SEMA6D: variants seen among roughly 807,000 people sequenced by gnomAD.
SEMA6D encodes the protein semaphorin-6D.
A neutral mutation model predicts 106.6 loss-of-function variants in SEMA6D; 35 were observed. The ratio of observed to expected loss-of-function variants is 0.33; its 90% confidence interval spans 0.25 to 0.44. SEMA6D has a LOEUF of 0.44. Among genes scored for constraint, SEMA6D ranks in the 20% least tolerant of loss-of-function variants. The pLI is 1.00. For synonymous variants in SEMA6D, 499 were observed against 487.7 expected (o/e 1.02, Z -0.31); for missense variants, 1,185 against 1,345.9 (o/e 0.88, Z 1.87).
chr15:47,762,607 T>C (rs1377309395), intron 8 of SEMA6D, among the ~76,000 whole-genome samples: 2 of 152,196 alleles, frequency 1.3e-5, no homozygotes, highest in Admixed American at 1.3e-4. Flanking sequence ...ATGCACATAA[T>C]ACTACTTGCC....
chr15:47,324,778 A>T (rs1270964374), intron 1 of SEMA6D, among the ~76,000 whole-genome samples: 1 of 151,738 alleles, frequency 6.6e-6, no homozygotes, highest in Admixed American at 6.6e-5. Flanking sequence ...GTACGCTATT[A>T]TACATGTGTA....
intron 4 of SEMA6D, among the ~76,000 whole-genome samples, chr15:47,646,400 C>T (rs187071471): frequency 5.9e-5 from 9 of 152,144 alleles, no homozygotes; most frequent in South Asian, 2.1e-4. Flanking sequence ...GACATGAGAA[C>T]GGACTGAACG....
At chr15:47,765,480 T>A (rs1597076154) in intron 13 of SEMA6D, 1 of 830,084 alleles carries the variant, frequency 1.2e-6, no homozygotes, top group Non-Finnish European at 1.5e-6. Flanking sequence ...TTTAGACCAT[T>A]AAAAAAAAAA....
At chr15:47,572,436 C>G (rs2076078896) in intron 3 of SEMA6D, among the ~76,000 whole-genome samples, 1 of 152,078 alleles carries the variant, frequency 6.6e-6, no homozygotes, top group African/African-American at 2.4e-5. Context: ...TGTTTTGAAA[C>G]AAAGTGTTTT....
intron 3 of SEMA6D, among the ~76,000 whole-genome samples, chr15:47,497,780 T>TTGTAA (rs2043718004): frequency 6.6e-6 from 1 of 152,118 alleles, no homozygotes; most frequent in Non-Finnish European, 1.5e-5. Context: ...TGTAGTACCA[T>TTGTAA]ACTATCATTC....
intron 2 of SEMA6D, among the ~76,000 whole-genome samples, chr15:47,468,469 G>A (rs2042729067): frequency 6.6e-6 from 1 of 152,150 alleles, no homozygotes; most frequent in African/African-American, 2.4e-5. Context: ...TCGGCTCTGA[G>A]AAAGGACACA....
intron 2 of SEMA6D, among the ~76,000 whole-genome samples, chr15:47,427,681 T>C (rs1477348037): frequency 1.3e-5 from 2 of 152,152 alleles, no homozygotes; most frequent in African/African-American, 4.8e-5. Flanking sequence ...TGTTATCTTC[T>C]CTAACTCACA....
At chr15:47,738,553 G>A (rs1422628971) in intron 1 of SEMA6D, among the ~76,000 whole-genome samples, 1 of 152,178 alleles carries the variant, frequency 6.6e-6, no homozygotes. Flanking sequence ...CTAGGGAATT[G>A]TCATAACATC....
intron 3 of SEMA6D, among the ~76,000 whole-genome samples, chr15:47,524,548 A>T (rs971239769): frequency 5.3e-5 from 8 of 152,250 alleles, no homozygotes; most frequent in Non-Finnish European, 1.2e-4. Context: ...GATAAATCAT[A>T]GACAAATAGA....
At chr15:47,569,682 T>A (rs2046326003) in intron 3 of SEMA6D, among the ~76,000 whole-genome samples, 1 of 152,132 alleles carries the variant, frequency 6.6e-6, no homozygotes, top group South Asian at 2.1e-4. Context: ...AGCTGGACAC[T>A]TTATTGGAAT....
At chr15:47,524,628 G>T (rs2044693323) in intron 3 of SEMA6D, among the ~76,000 whole-genome samples, 1 of 152,208 alleles carries the variant, frequency 6.6e-6, no homozygotes, top group Non-Finnish European at 1.5e-5. Flanking sequence ...ATTCGGAGGT[G>T]TGATCTCGTT....
At chr15:47,645,581 T>G (rs952165102) in intron 4 of SEMA6D, among the ~76,000 whole-genome samples, 1 of 152,034 alleles carries the variant, frequency 6.6e-6, no homozygotes, top group African/African-American at 2.4e-5. Flanking sequence ...GTGGGGGTTT[T>G]TCCCCACACA....
chr15:47,729,678 T>C lies in SEMA6D; in HGVS notation c.-55+11986T>C, dbSNP rs573462998. 1.6e-3 allele frequency among the ~76,000 whole-genome samples: 240 copies of C among 152,336 alleles called. 1 individual carries two copies. Among genetic ancestry groups the C allele is most frequent in the African/African-American group, 5.4e-3 (224 of 41,574 alleles). ...GAGGCCAATCAGAAAATCCAGAGCC[T>C]ATATTCTGCTAGGTTTCCAAAGAAC... On this transcript the variant is annotated intron_variant, in intron 1 of 18. Coordinates refer to ENST00000536845, the MANE Select transcript of SEMA6D (RefSeq NM_001358351.3).
intron 3 of SEMA6D, among the ~76,000 whole-genome samples, chr15:47,501,691 G>T (rs1297332764): frequency 6.6e-6 from 1 of 152,120 alleles, no homozygotes; most frequent in East Asian, 1.9e-4. Context: ...GTCATCCATG[G>T]CCAAGGAGCT....
chr15:47,509,103 T>C (rs1476272296), intron 3 of SEMA6D, among the ~76,000 whole-genome samples: 1 of 152,190 alleles, frequency 6.6e-6, no homozygotes, highest in Non-Finnish European at 1.5e-5. Context: ...CACCTCATCA[T>C]GGGAATCTGG....
intron 2 of SEMA6D, among the ~76,000 whole-genome samples, chr15:47,422,588 A>C (rs2041207350): frequency 1.3e-5 from 2 of 152,078 alleles, no homozygotes; most frequent in Admixed American, 6.6e-5. Context: ...GGACATGATG[A>C]ATGTCCATAT....
chr15:47,562,499 C>T lies in SEMA6D; in HGVS notation c.-86-38366C>T, dbSNP rs140931070. 1.7e-4 allele frequency among the ~76,000 whole-genome samples: 26 copies of T among 152,018 alleles called. No homozygotes were observed. The East Asian group carries it at 2.5e-3, about 15-fold the overall frequency. ...AACAATAGCTTTAAGAAAGACAGGA[C>T]AGAAACTGAGAAAAATGTATTTGCA... On this transcript the variant is annotated intron_variant, in intron 3 of 19. Transcript: ENST00000558014.
intron 1 of SEMA6D, among the ~76,000 whole-genome samples, chr15:47,292,161 T>G (rs1411347989): frequency 6.6e-6 from 1 of 152,222 alleles, no homozygotes; most frequent in Non-Finnish European, 1.5e-5. Context: ...CATTGAATAT[T>G]GATTGAAAGG....
Position 47,543,255 on chromosome 15 carries a change from C to T in SEMA6D, c.-86-57610C>T, listed in dbSNP as rs146158855. On this transcript the variant is annotated intron_variant, in intron 3 of 19. Coordinates refer to the SEMA6D transcript ENST00000558014. ...GAGTGATATGGTTTGGCTGTGTGCT[C>T]ACCCAAAGCTCACCTCGAATTGTAA... Among the ~76,000 whole-genome samples the T allele has an allele frequency of 5.6e-3, 853 of 152,230 alleles. 23 individuals are homozygous for T. The highest frequency in any genetic ancestry group is 0.039 in the Admixed American group (603 of 15,280).
Sources: gnomAD v4.1 joint callset for allele counts (sites outside exome capture counted in the v4.1 genomes callset) on GRCh38, gnomAD v4.1.1 for gene constraint, MANE v1.5 for transcripts, NCBI Gene and HGNC (gene_info 2026-07-23, HGNC 2026-07-21) for gene names.